The following ESPN variants were observed in gnomAD, a reference collection of about 807,000 sequenced individuals.
ESPN encodes the protein espin, also known as autosomal recessive deafness type 36 protein.
In ESPN, 68 loss-of-function variants were observed where a neutral mutation model predicts 77.7. The observed-to-expected ratio is 0.87, with a 90% CI of 0.72 to 1.07. ESPN has a LOEUF of 1.07. ESPN is among the 50% of genes least tolerant of loss of function. The pLI is 0.00. For synonymous variants in ESPN, 449 were observed against 567.1 expected (o/e 0.79, Z 2.96); for missense variants, 1,060 against 1,239.0 (o/e 0.86, Z 2.17).
intron 10 of ESPN, chr1:6,455,224 C>G (rs936685285): frequency 1.5e-5 from 6 of 389,694 alleles, no homozygotes; most frequent in South Asian, 1.3e-4. Context: ...CGCCGGCCGC[C>G]CCTCTGCACG....
chr1:6,439,111 C>CAAAAAT (rs1643533405), intron 2 of ESPN, among the ~76,000 whole-genome samples: 2 of 151,946 alleles, frequency 1.3e-5, no homozygotes, highest in African/African-American at 2.4e-5. Flanking sequence ...GACTCCGTCT[C>CAAAAAT]AAAAATAAAA....
intron 10 of ESPN, chr1:6,456,642 C>T (rs1644062795): frequency 4.6e-6 from 1 of 215,238 alleles, no homozygotes; most frequent in South Asian, 9.6e-5. Context: ...TCCTCTGTAA[C>T]ATTCAGGAAA....
chr1:6,435,292 T>C (rs1557698039), intron 2 of ESPN, among the ~76,000 whole-genome samples: 1 of 151,980 alleles, frequency 6.6e-6, no homozygotes. Context: ...TGACTGGCAG[T>C]GGGGAGGGCT....
downstream of ESPN, chr1:6,461,222 A>G (rs1307788899): frequency 4.1e-6 from 3 of 735,484 alleles, no homozygotes; most frequent in African/African-American, 3.5e-5. This position sits in a 1 kb window ranked among gnomAD's most constrained non-coding sequence, Gnocchi z 6.3. Flanking sequence ...CGAGAAGTTG[A>G]GAAATGTCTT....
In ESPN at chr1:6,460,105, C is replaced by T. The variant is rs1644131579; in HGVS notation, c.2524C>T (p.Arg842Ter). Residue 842 changes from arginine to a stop codon, truncating the protein, a stop_gained, in exon 13 of 13, where the codon CGA becomes TGA. Coordinates refer to ENST00000645284, the MANE Select transcript of ESPN (RefSeq NM_031475.3). LOFTEE classifies it high-confidence loss of function. ...TGAGAGCAAGCTGGCGCCCTGGCAG[C>T]GACAGGTCATCCTGAAGAAGGGGGA... ...YDESKLAPWQ[R>*]QVILKKGDIA... is the part of the protein sequence containing the mutation. 1 of 1,613,036 alleles carries T rather than the reference C, an allele frequency of 6.2e-7. No individual in the cohort carries two copies.
intron 2 of ESPN, among the ~76,000 whole-genome samples, chr1:6,436,274 C>T (rs1216914147): frequency 2.6e-5 from 4 of 152,114 alleles, no homozygotes; most frequent in African/African-American, 9.7e-5. Context: ...TCTTAGCTCT[C>T]TGTGCCTCAG....
At chr1:6,458,463 C>G (rs181813556) in intron 12 of ESPN, among the ~76,000 whole-genome samples, 196 of 151,218 alleles carry the variant, frequency 1.3e-3, no homozygotes, top group African/African-American at 4.5e-3. Context: ...TTACAGGCGC[C>G]CGCCACCACG....
intron 2 of ESPN, among the ~76,000 whole-genome samples, chr1:6,438,137 C>T (rs1643498911): frequency 6.6e-6 from 1 of 152,108 alleles, no homozygotes; most frequent in South Asian, 2.1e-4. Context: ...TGAATTGGAA[C>T]CCAATAGGTC....
At chr1:6,452,775 C>T (rs921338999) in intron 10 of ESPN, among the ~76,000 whole-genome samples, 7 of 152,214 alleles carry the variant, frequency 4.6e-5, no homozygotes, top group African/African-American at 1.4e-4. Context: ...TTCCAGCTGC[C>T]GATACTGAGC....
At chr1:6,443,208 C>T (rs1643709071) in intron 5 of ESPN, 1 of 151,350 alleles carries the variant, frequency 6.6e-6, no homozygotes, top group Admixed American at 6.6e-5. Context: ...ATGGCATTTA[C>T]TGGGTGCCAT....
In ESPN at chr1:6,440,925, C is replaced by T. The variant is rs1367959897; in HGVS notation, c.859-9C>T. On this transcript the variant is annotated splice_polypyrimidine_tract_variant and intron_variant, in intron 4 of 12. Transcript: ENST00000645284. ...GCCGCGGCCGGGTCCTCACTGCGTG[C>T]CCCCGCAGTGCTGCCAGATCCTGGT... 11 of 1,564,420 alleles carry T rather than the reference C, an allele frequency of 7.0e-6. No individual in the cohort carries two copies. The highest frequency in any genetic ancestry group is 3.5e-5 in the South Asian group (3 of 85,726).
In ESPN at chr1:6,451,844, G is replaced by A. The variant is rs1357098782; in HGVS notation, c.2073G>A (p.Pro691=). ...IGQPAFQPDS[P]LPSVSPALSP... is the part of the protein sequence containing the mutation. The stretch of plus-strand genomic sequence containing the variant: ...GCTTCTCCCTGCAGCCCGATTCGCC[G>A]CTGCCTTCTGTGTCACCTGCACTGT... The change falls in exon 10 of 13, where the codon CCG becomes CCA. Residue 691 remains proline, a synonymous_variant. Transcript: ENST00000645284. The surrounding 1 kb of genome is among the most constrained non-coding windows in gnomAD (Gnocchi z 4.3). 12 of 1,611,002 alleles carry A rather than the reference G, an allele frequency of 7.4e-6. No homozygotes were observed. The highest frequency in any genetic ancestry group is 4.5e-5 in the East Asian group (2 of 44,820).
At position 6,451,976 on chromosome 1, in the gene ESPN, C is replaced by T. The variant is rs552543862; in HGVS notation, c.2205C>T (p.Asp735=). 106 of 1,609,754 alleles carry T rather than the reference C, an allele frequency of 6.6e-5. No individual in the cohort carries two copies. Among genetic ancestry groups the T allele is most frequent in the Middle Eastern group, 1.7e-4 (1 of 5,968 alleles). ...CTCCTGCGCCGGGAGTGCAGCTGGACGTGGAGGCTCTCATCCCCACGCACG... is the reference window on the plus strand; with the variant it reads ...CTCCTGCGCCGGGAGTGCAGCTGGATGTGGAGGCTCTCATCCCCACGCACG... The part of the protein sequence containing the change: ...PTTPAPGVQL[D]VEALIPTHDE... The change falls in exon 10 of 13, where the codon GAC becomes GAT. Residue 735 remains aspartate, a synonymous_variant. Coordinates refer to ENST00000645284, the MANE Select transcript of ESPN (RefSeq NM_031475.3). The surrounding 1 kb of genome is among the most constrained non-coding windows in gnomAD (Gnocchi z 4.3).
At chr1:6,436,996 C>A (rs532961649) in intron 2 of ESPN, among the ~76,000 whole-genome samples, 7 of 152,058 alleles carry the variant, frequency 4.6e-5, no homozygotes, top group Middle Eastern at 3.2e-3. Flanking sequence ...TCCCCTCCCC[C>A]TCAGCCCATC....
chr1:6,426,552 C>T (rs547463030), intron 1 of ESPN, among the ~76,000 whole-genome samples: 72 of 152,246 alleles, frequency 4.7e-4, no homozygotes, highest in African/African-American at 1.6e-3. Flanking sequence ...AGGGTGTGGT[C>T]CACCACGCAC....
chr1:6,455,419 C>G, intron 10 of ESPN: 1 of 393,344 alleles, frequency 2.5e-6, no homozygotes, highest in African/African-American at 2.1e-5. Flanking sequence ...ACGGACGCCC[C>G]CCGGCTGCCG....
At chr1:6,433,838 C>T (rs1485329783) in intron 2 of ESPN, among the ~76,000 whole-genome samples, 1 of 152,164 alleles carries the variant, frequency 6.6e-6, no homozygotes, top group Non-Finnish European at 1.5e-5. Context: ...GCAAGGCCAA[C>T]CCTGAGCCTT....
At chr1:6,438,530 C>T (rs1268141555) in intron 2 of ESPN, among the ~76,000 whole-genome samples, 1 of 152,260 alleles carries the variant, frequency 6.6e-6, no homozygotes, top group Non-Finnish European at 1.5e-5. Context: ...AAAGCTAGGC[C>T]CTAGGAGAAG....
chr1:6,448,557 A>C, intron 7 of ESPN, 84 bp from the exon 8 acceptor site: 1 of 1,258,392 alleles, frequency 7.9e-7, no homozygotes, highest in Non-Finnish European at 1.1e-6. Context: ...GCGAGTCCCC[A>C]GGAGGTGAAG....
Sources: gnomAD v4.1 joint callset for allele counts (sites outside exome capture counted in the v4.1 genomes callset) on GRCh38, gnomAD v4.1.1 for gene constraint, Gnocchi (gnomAD v3.1) non-coding constraint, MANE v1.5 for transcripts, NCBI Gene and HGNC (gene_info 2026-07-23, HGNC 2026-07-21) for gene names.